The following ZBTB46 variants were observed in gnomAD, a reference collection of about 807,000 sequenced individuals.
The protein encoded by ZBTB46 is zinc finger and BTB domain-containing protein 46.
In ZBTB46, 8 loss-of-function variants were observed where a neutral mutation model predicts 44.1. The observed-to-expected ratio is 0.18, with a 90% CI of 0.11 to 0.33. The LOEUF is 0.33. Ranked by LOEUF, ZBTB46 falls within the 10% of genes least tolerant of loss-of-function variation. The probability of loss-of-function intolerance (pLI) is 1.00; values close to 1 mark genes in which losing one functional copy is unlikely to be tolerated. For missense variants in ZBTB46, 651 were observed against 847.7 expected, an observed-to-expected ratio of 0.77 and a Z score of 2.88; for synonymous variants, 409 against 382.3, an observed-to-expected ratio of 1.07 and a Z score of -0.81.
At chr20:63,790,816 C>A in intron 1 of ZBTB46, 26 bp from the exon 2 acceptor site, 1 of 1,504,462 alleles carries the variant, frequency 6.6e-7, no homozygotes, top group Non-Finnish European at 8.9e-7. Context: ...CAAGAGTTAC[C>A]CAAGCTCAGC....
chr20:63,763,436 G>A (rs1387242960), intron 3 of ZBTB46, among the ~76,000 whole-genome samples: 1 of 152,208 alleles, frequency 6.6e-6, no homozygotes, highest in African/African-American at 2.4e-5. Context: ...GGTGGCATCA[G>A]CTTCTGGGGA....
chr20:63,806,374 T>G (rs1163330680), intron 1 of ZBTB46, among the ~76,000 whole-genome samples: 2 of 136,774 alleles, frequency 1.5e-5, no homozygotes, highest in African/African-American at 5.6e-5. Context: ...ATCACTGCAC[T>G]CCAGCCCAGG....
intron 3 of ZBTB46, among the ~76,000 whole-genome samples, chr20:63,764,897 C>A (rs1156231147): frequency 6.6e-6 from 1 of 151,672 alleles, no homozygotes; most frequent in East Asian, 1.9e-4. Context: ...CTGCACCTGG[C>A]CCTCTGGCTG....
At chr20:63,811,682 T>C (rs2092718495) in intron 1 of ZBTB46, among the ~76,000 whole-genome samples, 1 of 152,138 alleles carries the variant, frequency 6.6e-6, no homozygotes, top group South Asian at 2.1e-4. Flanking sequence ...CCGGCTCACC[T>C]TGCAGCCAGG....
At chr20:63,759,102 CTTCT>C (rs1352104364) in intron 3 of ZBTB46, among the ~76,000 whole-genome samples, 1 of 152,128 alleles carries the variant, frequency 6.6e-6, no homozygotes, top group Non-Finnish European at 1.5e-5. Context: ...TTATCATTAT[CTTCT>C]TTAATTTCTC....
chr20:63,789,966 C>G lies in ZBTB46; in HGVS notation c.792G>C (p.Trp264Cys). 1.2e-6 allele frequency: 2 copies of G among 1,614,126 alleles called. No individual in the cohort carries two copies. Among genetic ancestry groups the G allele is most frequent in the South Asian group, 1.1e-5 (1 of 91,090 alleles). ...GATTCTTCCTTCGGCCCGTGGGCTG[C>G]CAGGCATCACCAGCACTCTGCTCTG... Reference protein sequence around the residue: ...SFSEQSAGDAWQPTGRRKNRK... With the variant: ...SFSEQSAGDACQPTGRRKNRK... The change falls in exon 2 of 5, where the codon TGG becomes TGC. Residue 264 changes from tryptophan (W) to cysteine (C), a missense_variant. This residue lies in a region of ZBTB46 where 385 missense variants were observed against 423.3 expected (regional missense o/e 0.91). Coordinates refer to ENST00000245663, the MANE Select transcript of ZBTB46 (RefSeq NM_001369741.1).
intron 3 of ZBTB46, among the ~76,000 whole-genome samples, chr20:63,762,388 TCA>T (rs3068777): frequency 0.51 from 77,228 of 151,720 alleles, 20,536 homozygotes; most frequent in African/African-American, 0.64. Context: ...GCACAGTAGC[TCA>T]CACCTGTAAT....
chr20:63,771,366 G>C (rs1168719073), intron 3 of ZBTB46, among the ~76,000 whole-genome samples: 1 of 152,176 alleles, frequency 6.6e-6, no homozygotes, highest in African/African-American at 2.4e-5. Flanking sequence ...ACACGGCTCT[G>C]CGTCCATGAC....
chr20:63,827,183 A>G (rs1034592121), intron 1 of ZBTB46, among the ~76,000 whole-genome samples: 1 of 151,328 alleles, frequency 6.6e-6, no homozygotes, highest in Non-Finnish European at 1.5e-5. Flanking sequence ...CCCCCAACCC[A>G]CCTCCGTGGG....
At chr20:63,820,595 G>A (rs2092786535) in intron 1 of ZBTB46, among the ~76,000 whole-genome samples, 1 of 149,946 alleles carries the variant, frequency 6.7e-6, no homozygotes, top group Non-Finnish European at 1.5e-5. Context: ...ACCATGCCCA[G>A]CTAATTTTGA....
At chr20:63,748,263 G>A (rs1050076497) in intron 4 of ZBTB46, among the ~76,000 whole-genome samples, 1 of 152,226 alleles carries the variant, frequency 6.6e-6, no homozygotes, top group Non-Finnish European at 1.5e-5. Context: ...CAGGGAGATG[G>A]GGCAGCACCC....
chr20:63,808,994 A>AAAAAAAAG (rs2092701610), intron 1 of ZBTB46, among the ~76,000 whole-genome samples: 1 of 144,326 alleles, frequency 6.9e-6, no homozygotes, highest in Non-Finnish European at 1.5e-5. Flanking sequence ...AAAAAAAAAA[A>AAAAAAAAG]AAAAAGAAAA....
chr20:63,758,784 T>G (rs1435185508), intron 3 of ZBTB46, among the ~76,000 whole-genome samples: 1 of 149,388 alleles, frequency 6.7e-6, no homozygotes, highest in Admixed American at 6.8e-5. Flanking sequence ...CAGGCTGGAG[T>G]GCAGTGGTGC....
At chr20:63,809,081 T>A (rs968993805) in intron 1 of ZBTB46, among the ~76,000 whole-genome samples, 4 of 151,026 alleles carry the variant, frequency 2.6e-5, no homozygotes, top group Admixed American at 2.6e-4. Flanking sequence ...GCTCCGGTGC[T>A]GCAGAGGCAC....
At chr20:63,813,891 G>A (rs969236931) in intron 1 of ZBTB46, among the ~76,000 whole-genome samples, 6 of 152,172 alleles carry the variant, frequency 3.9e-5, no homozygotes, top group African/African-American at 1.4e-4. Context: ...CACACACAAC[G>A]AAGCACCGAG....
chr20:63,833,633 G>A (rs916073690), upstream of ZBTB46, among the ~76,000 whole-genome samples: 1 of 152,124 alleles, frequency 6.6e-6, no homozygotes, highest in Non-Finnish European at 1.5e-5. Context: ...TAGAATGAAC[G>A]GGGCGGATGA....
At position 63,746,650 on chromosome 20, in the gene ZBTB46, G is replaced by A. The variant is rs1173637600; in HGVS notation, c.*280C>T. On this transcript the variant is annotated 3_prime_UTR_variant, in exon 5 of 5. Coordinates refer to ENST00000245663, the MANE Select transcript of ZBTB46 (RefSeq NM_001369741.1). ...CATCACAGGGGCCACTCACACACCC[G>A]CACCACCTGCTGGGGACTTAGGACC... 18 of 420,742 alleles carry A rather than the reference G, an allele frequency of 4.3e-5. No homozygotes were observed. The East Asian group carries it at 5.1e-4, about 12-fold the overall frequency. The allele number at this position is 420,742 out of a possible 1,614,324, so 26.1% of individuals were successfully genotyped here. A position where few individuals can be genotyped will look rare whatever the true frequency, so the allele number is the denominator to read the frequency against.
At position 63,747,218 on chromosome 20, in the gene ZBTB46, G is replaced by A; in HGVS notation, c.1482C>T (p.Gly494=). ...CGGTGCACACACCGTGGCGCCTGGA[G>A]CCATGCCTGATGCCCACGCTGGCGG... ...MSAASVGIRH[G]SRRHGVCTDC... is the part of the protein sequence containing the mutation. Residue 494 remains glycine (G), a synonymous_variant, in exon 5 of 5, where the codon GGC becomes GGT. Coordinates refer to ENST00000245663, the MANE Select transcript of ZBTB46 (RefSeq NM_001369741.1). 1 of 1,599,998 alleles carries A rather than the reference G, an allele frequency of 6.3e-7. No homozygotes were observed. Among genetic ancestry groups the A allele is most frequent in the Non-Finnish European group, 8.5e-7 (1 of 1,173,304 alleles).
intron 3 of ZBTB46, among the ~76,000 whole-genome samples, chr20:63,764,269 T>C (rs183684761): frequency 1.5e-3 from 224 of 152,252 alleles, no homozygotes; most frequent in Middle Eastern, 3.4e-3. Context: ...AAACCGTCTC[T>C]ACTAAAAATA....
Sources: gnomAD v4.1 joint callset for allele counts (sites outside exome capture counted in the v4.1 genomes callset) on GRCh38, gnomAD v4.1.1 for gene constraint, gnomAD v4.1.1 regional missense constraint, MANE v1.5 for transcripts, NCBI Gene and HGNC (gene_info 2026-07-23, HGNC 2026-07-21) for gene names.